PALB2: variants seen among roughly 807,000 people sequenced by gnomAD.
PALB2 encodes the protein partner and localizer of BRCA2.
Under a neutral mutation model 107.4 loss-of-function variants are expected in PALB2, and 82 were observed. The observed-to-expected ratio is 0.76, with a 90% confidence interval of 0.64 to 0.92. PALB2 has a LOEUF of 0.92. PALB2 is among the 40% of genes least tolerant of loss of function. The probability of loss-of-function intolerance (pLI) is 0.00; values close to 1 mark genes in which losing one functional copy is unlikely to be tolerated. For missense variants in PALB2, 1,374 were observed against 1,379.9 expected (o/e 1.00, Z 0.07); for synonymous variants, 489 against 496.8 (o/e 0.98, Z 0.21).
chr16:23,617,749 A>G (rs560255342), intron 10 of PALB2: 1 of 152,320 alleles, frequency 6.6e-6, no homozygotes, highest in East Asian at 1.9e-4. Flanking sequence ...CTCTCAAAAA[A>G]GCAAAAACAA....
At chr16:23,614,620 A>ATT (rs2142302254) in intron 10 of PALB2, among the ~76,000 whole-genome samples, 1 of 151,770 alleles carries the variant, frequency 6.6e-6, no homozygotes, top group African/African-American at 2.4e-5. Flanking sequence ...GAAAAAAGAT[A>ATT]AAGTTTGTTG....
At position 23,637,954 on chromosome 16, in the gene PALB2, T is replaced by C. The variant is rs730881897; in HGVS notation, c.109-2A>G. ...AATCTTTTCAGCTCTTTGGGCACGC[T>C]AGAGGAGACAAAAACAGCCCCAGAA... is the stretch of plus-strand genomic sequence containing the variant. On this transcript the variant is annotated splice_acceptor_variant, in intron 2 of 12. Coordinates refer to ENST00000261584, the MANE Select transcript of PALB2 (RefSeq NM_024675.4). LOFTEE classifies it high-confidence loss of function. 1 of 1,612,726 alleles carries C rather than the reference T, an allele frequency of 6.2e-7. No individual in the cohort carries two copies. Among genetic ancestry groups the C allele is most frequent in the East Asian group, 2.2e-5 (1 of 44,874 alleles).
chr16:23,618,378 A>G (rs957055384), intron 10 of PALB2, among the ~76,000 whole-genome samples: 2 of 152,198 alleles, frequency 1.3e-5, no homozygotes, highest in Non-Finnish European at 2.9e-5. Flanking sequence ...CCAAAGGACT[A>G]CTTATAGAAA....
intron 11 of PALB2, among the ~76,000 whole-genome samples, chr16:23,611,232 C>T (rs886667343): frequency 1.7e-4 from 26 of 152,122 alleles, no homozygotes; most frequent in African/African-American, 6.3e-4. Context: ...GCAACCTCCA[C>T]CTCCAGGTTG....
rs141570833 is a variant in PALB2 at position 23,607,962 on chromosome 16, C to G, written c.3252G>C (p.Ser1084=). Residue 1084 remains serine, a synonymous_variant, in exon 12 of 13, where the codon TCG becomes TCC. Transcript: ENST00000261584. ...TGAGCTGAAACACAGGGCTTCGCAA[C>G]GACTCACTCTCTTTGGCACAGGGAT... The part of the protein sequence containing the change: ...LSHPCAKESE[S]LRSPVFQLIV... The G allele has an allele frequency of 6.2e-7, 1 of 1,614,052 alleles. No individual in the cohort carries two copies. Among genetic ancestry groups the G allele is most frequent in the East Asian group, 2.2e-5 (1 of 44,886 alleles).
At chr16:23,611,767 T>A (rs1277994789) in intron 11 of PALB2, among the ~76,000 whole-genome samples, 1 of 152,094 alleles carries the variant, frequency 6.6e-6, no homozygotes, top group Non-Finnish European at 1.5e-5. Flanking sequence ...CTATTAGTTA[T>A]TTTTGGGACA....
At chr16:23,611,737 C>T (rs937459983) in intron 11 of PALB2, among the ~76,000 whole-genome samples, 1 of 152,148 alleles carries the variant, frequency 6.6e-6, no homozygotes, top group Non-Finnish European at 1.5e-5. Context: ...AGATTACAGG[C>T]GTGAGCCACT....
At chr16:23,616,314 A>T (rs1966683648) in intron 10 of PALB2, among the ~76,000 whole-genome samples, 1 of 152,186 alleles carries the variant, frequency 6.6e-6, no homozygotes, top group Non-Finnish European at 1.5e-5. Context: ...GCAATACTGT[A>T]TCATGTATTC....
rs1567209919 is a variant in PALB2, at chr16:23,614,076, A to C, written c.3129T>G (p.Gly1043=). Residue 1043 remains glycine (G), a synonymous_variant, in exon 11 of 13, where the codon GGT becomes GGG. Transcript: ENST00000261584. ...CAATGTGCATCTTTTTCAGGAGTTG[A>C]CCAGTTTTTAAATTCCTTAGATAAC... is the stretch of plus-strand genomic sequence containing the variant. The part of the protein sequence containing the change: ...NNIVIWNLKT[G]QLLKKMHIDD... The C allele has an allele frequency of 6.2e-7, 1 of 1,611,720 alleles. No homozygotes were observed. Among genetic ancestry groups the C allele is most frequent in the South Asian group, 1.1e-5 (1 of 90,938 alleles).
intron 10 of PALB2, among the ~76,000 whole-genome samples, chr16:23,618,658 A>G (rs930745116): frequency 2.0e-5 from 3 of 152,204 alleles, no homozygotes; most frequent in Non-Finnish European, 2.9e-5. Context: ...TTTGGGTGAC[A>G]GAGTAAGACA....
At position 23,624,002 on chromosome 16, in the gene PALB2, T is replaced by C. The variant is rs1468310581; in HGVS notation, c.2834+7A>G. The C allele has an allele frequency of 6.4e-7, 1 of 1,563,128 alleles. No individual in the cohort carries two copies. On this transcript the variant is annotated splice_region_variant and intron_variant, in intron 8 of 12. Transcript: ENST00000261584. ...GAAAAACAAATCACTCCTTGGGAAT[T>C]ACATACCTGATCTCTCTGATTTCCA...
At chr16:23,626,809 A>G (rs1966843544) in intron 6 of PALB2, among the ~76,000 whole-genome samples, 1 of 151,974 alleles carries the variant, frequency 6.6e-6, no homozygotes. Flanking sequence ...TTTAGTAGAG[A>G]CAAGGTTTCA....
At chr16:23,606,595 G>A (rs549127224) in intron 12 of PALB2, among the ~76,000 whole-genome samples, 7 of 151,956 alleles carry the variant, frequency 4.6e-5, no homozygotes, top group Non-Finnish European at 7.4e-5. Flanking sequence ...GTACAATCTC[G>A]GCTCACTGCA....
chr16:23,606,436 G>C (rs1966476441), intron 12 of PALB2, among the ~76,000 whole-genome samples: 3 of 152,160 alleles, frequency 2.0e-5, no homozygotes, highest in Admixed American at 2.0e-4. Context: ...CATAGGGATA[G>C]AGAATGTCTT....
intron 7 of PALB2, 89 bp downstream of exon 7, chr16:23,626,147 G>C (rs2142351962): frequency 6.9e-7 from 1 of 1,453,344 alleles, no homozygotes; most frequent in Admixed American, 1.7e-5. Context: ...GCCTTGCATG[G>C]TCATAGCTCC....
In PALB2 at chr16:23,635,812, G is replaced by C. The variant is rs571063157; in HGVS notation, c.734C>G (p.Ala245Gly). ...TAGAGTCTGTAAAGGAACTGTAGTCGCCCTGGTGAAATTAGGTCTTCTTAG... is the reference window on the plus strand; with the variant it reads ...TAGAGTCTGTAAAGGAACTGTAGTCCCCCTGGTGAAATTAGGTCTTCTTAG... ...TFLRRPNFTRATTVPLQTLSD... is the reference protein window; with the variant it reads ...TFLRRPNFTRGTTVPLQTLSD... The change falls in exon 4 of 13, where the codon GCG becomes GGG. Residue 245 changes from alanine to glycine, a missense_variant. Transcript: ENST00000261584. 1.2e-6 allele frequency: 2 copies of C among 1,614,114 alleles called. No homozygotes were observed. The highest frequency in any genetic ancestry group is 3.3e-5 in the Admixed American group (2 of 60,012).
At chr16:23,631,935 C>CGGGA in intron 4 of PALB2, among the ~76,000 whole-genome samples, 1 of 152,276 alleles carries the variant, frequency 6.6e-6, no homozygotes, top group South Asian at 2.1e-4. Context: ...CAACCTCTGC[C>CGGGA]TCCCAGGCTC....
chr16:23,630,999 C>T, intron 4 of PALB2, among the ~76,000 whole-genome samples: 1 of 150,982 alleles, frequency 6.6e-6, no homozygotes. Flanking sequence ...CATGGTGCCT[C>T]ACACTTGTAG....
chr16:23,629,552 G>T (rs1325580594), intron 5 of PALB2, 88 bp downstream of exon 5: 2 of 1,259,342 alleles, frequency 1.6e-6, no homozygotes, highest in Non-Finnish European at 2.3e-6. Context: ...AACGTGGAAG[G>T]CCCAATGCGC....
Sources: gnomAD v4.1 joint callset for allele counts (sites outside exome capture counted in the v4.1 genomes callset) on GRCh38, gnomAD v4.1.1 for gene constraint, MANE v1.5 for transcripts, NCBI Gene and HGNC (gene_info 2026-07-23, HGNC 2026-07-21) for gene names.